The following APBA1 variants were observed in gnomAD, a reference collection of about 807,000 sequenced individuals.
APBA1 encodes the protein amyloid-beta A4 precursor protein-binding family A member 1.
A neutral mutation model predicts 86.6 loss-of-function variants in APBA1; 55 were observed. That is an observed-to-expected ratio of 0.64 (90% CI 0.51 to 0.80). The LOEUF is 0.80. Ranked by LOEUF, APBA1 falls within the 30% of genes least tolerant of loss-of-function variation. The probability of loss-of-function intolerance (pLI) is 0.00; values close to 1 mark genes in which losing one functional copy is unlikely to be tolerated. For missense variants in APBA1, 1,090 were observed against 1,183.0 expected (o/e 0.92, Z 1.15); for synonymous variants, 511 against 493.9 (o/e 1.03, Z -0.46).
At position 69,558,581 on chromosome 9, in the gene APBA1, T is replaced by C. The variant is rs551642073; in HGVS notation, c.-69-41302A>G. Among the ~76,000 whole-genome samples, 118 of 144,936 alleles carry C rather than the reference T, an allele frequency of 8.1e-4. 1 individual carries two copies. Among genetic ancestry groups the C allele is most frequent in the African/African-American group, 2.6e-3 (103 of 38,884 alleles). Reference sequence around the variant, plus strand: ...ACACACATATATATATATATATATATACACATTATATGTATAACTTTTATT... The same window carrying C: ...ACACACATATATATATATATATATACACACATTATATGTATAACTTTTATT... On this transcript the variant is annotated intron_variant, in intron 1 of 12. Transcript: ENST00000265381.
rs1821956050 is a variant in APBA1, at chr9:69,583,463, C to A, written c.-69-66184G>T. On this transcript the variant is annotated intron_variant, in intron 1 of 12. Transcript: ENST00000265381. ...CATAGCTGTGACAACTGGGACTTAT[C>A]TTAAATCTAGTACTGAACCACAAAA... Among the ~76,000 whole-genome samples, 3 of 152,154 alleles carry A rather than the reference C, an allele frequency of 2.0e-5. No homozygotes were observed. The South Asian group carries it at 6.2e-4, about 32-fold the overall frequency.
At chr9:69,523,851 TC>T (rs911263619) in intron 1 of APBA1, among the ~76,000 whole-genome samples, 1 of 151,700 alleles carries the variant, frequency 6.6e-6, no homozygotes, top group African/African-American at 2.4e-5. Context: ...CTCCATGAAT[TC>T]AAAAAAATCA....
chr9:69,539,937 G>A (rs1211651721), intron 1 of APBA1, among the ~76,000 whole-genome samples: 1 of 152,102 alleles, frequency 6.6e-6, no homozygotes, highest in Non-Finnish European at 1.5e-5. Context: ...TGGCCAATGT[G>A]GTGAAACCCT....
At chr9:69,600,806 T>TA (rs556966097) in intron 1 of APBA1, among the ~76,000 whole-genome samples, 474 of 143,728 alleles carry the variant, frequency 3.3e-3, no homozygotes, top group African/African-American at 0.011. Context: ...CAAAAAATAA[T>TA]AATAAATAAA....
At chr9:69,520,959 C>G (rs1187415618) in intron 1 of APBA1, among the ~76,000 whole-genome samples, 1 of 152,182 alleles carries the variant, frequency 6.6e-6, no homozygotes, top group South Asian at 2.1e-4. Context: ...AATCCCATAA[C>G]CCTACTCCTC....
At position 69,644,991 on chromosome 9, in the gene APBA1, A is replaced by G. The variant is rs1588409790; in HGVS notation, c.-70+27162T>C. Among the ~76,000 whole-genome samples, 3 of 152,170 alleles carry G rather than the reference A, an allele frequency of 2.0e-5. No homozygotes were observed. In the South Asian group the frequency reaches 6.2e-4, roughly 32 times the overall value. ...GTGGGAAGAATCTATAGAATTTGGA[A>G]AGTGAGTAGAAGTATGTGTGGGGAT... On this transcript the variant is annotated intron_variant, in intron 1 of 12. Transcript: ENST00000265381.
chr9:69,501,226 G>A (rs952393999), intron 2 of APBA1, among the ~76,000 whole-genome samples: 1 of 152,068 alleles, frequency 6.6e-6, no homozygotes, highest in Non-Finnish European at 1.5e-5. Context: ...TCTTATCGCC[G>A]CTCTTAAGAA....
At chr9:69,453,584 T>A (rs1417372370) in intron 8 of APBA1, among the ~76,000 whole-genome samples, 3 of 152,244 alleles carry the variant, frequency 2.0e-5, no homozygotes, top group Non-Finnish European at 4.4e-5. Context: ...TGCATATCGA[T>A]TCTATGACAG....
chr9:69,657,702 T>A (rs548696207), intron 1 of APBA1, among the ~76,000 whole-genome samples: 31 of 152,382 alleles, frequency 2.0e-4, no homozygotes, highest in African/African-American at 7.5e-4. Flanking sequence ...TATATGCATA[T>A]GTGTGTATAC....
chr9:69,504,851 G>A lies in APBA1; in HGVS notation c.1200+11160C>T, dbSNP rs536498391. 3.2e-4 allele frequency among the ~76,000 whole-genome samples: 49 copies of A among 152,106 alleles called. No individual in the cohort carries two copies. In the South Asian group the frequency reaches 6.2e-3, roughly 19 times the overall value. On this transcript the variant is annotated intron_variant, in intron 2 of 12. Transcript: ENST00000265381. ...CTTACAGAAGCCTCCCATCTTCTGC[G>A]GGGAGGAGGAGTCGCCTAGCTTCAT...
chr9:69,439,578 CGGTTACTGAGGCTT>C (rs1834770346), intron 11 of APBA1, among the ~76,000 whole-genome samples: 1 of 152,196 alleles, frequency 6.6e-6, no homozygotes, highest in Admixed American at 6.6e-5. Flanking sequence ...TTGATCACAT[CGGTTACTGAGGCTT>C]GTGCATTTGT....
chr9:69,542,658 TTG>T (rs1387261813), intron 1 of APBA1, among the ~76,000 whole-genome samples: 1 of 152,306 alleles, frequency 6.6e-6, no homozygotes, highest in East Asian at 1.9e-4. Context: ...GATTGTTAGA[TTG>T]TGTGTATGGT....
chr9:69,456,995 T>G, intron 7 of APBA1, 58 bp downstream of exon 7: 2 of 1,415,426 alleles, frequency 1.4e-6, no homozygotes, highest in South Asian at 2.3e-5. Context: ...GACACATGCA[T>G]CTCTGAGTTA....
At chr9:69,503,905 A>T (rs751210537) in intron 2 of APBA1, among the ~76,000 whole-genome samples, 3 of 152,060 alleles carry the variant, frequency 2.0e-5, no homozygotes, top group Non-Finnish European at 4.4e-5. Flanking sequence ...CGTTTCCTGG[A>T]TCTTGCATCT....
intron 1 of APBA1, among the ~76,000 whole-genome samples, chr9:69,667,530 T>A (rs2134032050): frequency 6.6e-6 from 1 of 150,696 alleles, no homozygotes; most frequent in East Asian, 2.0e-4. Flanking sequence ...ACCTCAAAAT[T>A]CCTATGCTTC....
At chr9:69,620,929 G>T (rs1264792652) in intron 1 of APBA1, among the ~76,000 whole-genome samples, 1 of 152,176 alleles carries the variant, frequency 6.6e-6, no homozygotes, top group African/African-American at 2.4e-5. Flanking sequence ...GCAAGGCTTG[G>T]GTAGCAGCAT....
chr9:69,596,323 T>G (rs1174664590), intron 1 of APBA1, among the ~76,000 whole-genome samples: 1 of 152,160 alleles, frequency 6.6e-6, no homozygotes, highest in Non-Finnish European at 1.5e-5. Flanking sequence ...TCTGCTGATA[T>G]TTTTCTTTTA....
At chr9:69,433,764 T>C (rs1393133244) in intron 11 of APBA1, among the ~76,000 whole-genome samples, 1 of 151,628 alleles carries the variant, frequency 6.6e-6, no homozygotes, top group African/African-American at 2.4e-5. Context: ...AGGGTATTTC[T>C]AAACCTTCAA....
chr9:69,551,201 T>C (rs1449184564), intron 1 of APBA1, among the ~76,000 whole-genome samples: 1 of 152,226 alleles, frequency 6.6e-6, no homozygotes, highest in African/African-American at 2.4e-5. Context: ...AACACTGCTA[T>C]ACATTGTCAC....
Sources: gnomAD v4.1 joint callset for allele counts (sites outside exome capture counted in the v4.1 genomes callset) on GRCh38, gnomAD v4.1.1 for gene constraint, MANE v1.5 for transcripts, NCBI Gene and HGNC (gene_info 2026-07-23, HGNC 2026-07-21) for gene names.